USP44: variants seen among roughly 807,000 people sequenced by gnomAD.
USP44 encodes the protein ubiquitin specific peptidase 44.
USP44 carries 61 observed loss-of-function variants against 69.0 expected under a neutral mutation model. The observed-to-expected ratio is 0.88, with a 90% CI of 0.72 to 1.09. The LOEUF (loss-of-function observed/expected upper bound fraction) is 1.09. Among genes scored for constraint, USP44 ranks in the 50% least tolerant of loss-of-function variants. The pLI is 0.00. For missense variants in USP44, 753 were observed against 849.9 expected (o/e 0.89, Z 1.42); for synonymous variants, 297 against 295.4 (o/e 1.01, Z -0.06).
chr12:95,531,199 A>G (rs1260664949), intron 2 of USP44, among the ~76,000 whole-genome samples: 1 of 152,028 alleles, frequency 6.6e-6, no homozygotes, highest in African/African-American at 2.4e-5. Flanking sequence ...AAAACATATG[A>G]TGTTAAATAG....
At chr12:95,536,333 G>A (rs1034210448) in intron 1 of USP44, among the ~76,000 whole-genome samples, 7 of 151,918 alleles carry the variant, frequency 4.6e-5, no homozygotes, top group South Asian at 2.1e-4. Context: ...GTGAGCCACC[G>A]TGCCCAGCCC....
Position 95,549,814 on chromosome 12 carries a change from A to G in USP44, c.-71+1458T>C, listed in dbSNP as rs541194318. 3.2e-4 allele frequency among the ~76,000 whole-genome samples: 49 copies of G among 152,264 alleles called. No individual in the cohort carries two copies. In the South Asian group the frequency reaches 6.6e-3, roughly 21 times the overall value. The stretch of plus-strand genomic sequence containing the variant: ...GAGTGCACAAAGGTATTCACAGCAT[A>G]TTATCCAAACACCGTAAAAGGCAAG... On this transcript the variant is annotated intron_variant, in intron 1 of 5. Transcript: ENST00000258499.
At chr12:95,541,017 C>T (rs1398073328) in intron 1 of USP44, among the ~76,000 whole-genome samples, 13 of 152,344 alleles carry the variant, frequency 8.5e-5, no homozygotes, top group East Asian at 1.9e-4. Context: ...CAGTGGCTTA[C>T]GCCTGTAATC....
At chr12:95,550,183 GAAAA>G (rs570350053) in intron 1 of USP44, among the ~76,000 whole-genome samples, 103 of 93,322 alleles carry the variant, frequency 1.1e-3, no homozygotes, top group African/African-American at 3.4e-3. Context: ...CTCCGTCTCA[GAAAA>G]AAAAAAAAAA....
At chr12:95,529,618 G>C (rs375282405) in intron 2 of USP44, among the ~76,000 whole-genome samples, 1 of 151,936 alleles carries the variant, frequency 6.6e-6, no homozygotes, top group Non-Finnish European at 1.5e-5. Context: ...ACGGGCTTTC[G>C]CCATGTTGGC....
chr12:95,551,243 A>G (rs2077717286), intron 1 of USP44, 29 bp downstream of exon 1: 1 of 152,058 alleles, frequency 6.6e-6, no homozygotes, highest in South Asian at 2.1e-4. Flanking sequence ...TTCCCTGCCC[A>G]CCTTCATCAA....
chr12:95,517,648 A>C lies in USP44; in HGVS notation c.*506T>G, dbSNP rs1054779343. The C allele has an allele frequency of 2.0e-4, 30 of 152,880 alleles. No individual in the cohort carries two copies. Among genetic ancestry groups the C allele is most frequent in the Non-Finnish European group, 2.8e-4 (19 of 68,524 alleles). The allele number at this position is 152,880 out of a possible 1,614,324, so 9.5% of individuals were successfully genotyped here. ...CAATTACAAGGCCTGTTAACACACA[A>C]AGCCTCAGAAATACCAGTGAGTGTG... On this transcript the variant is annotated 3_prime_UTR_variant, in exon 6 of 6. Coordinates refer to ENST00000258499, the MANE Select transcript of USP44 (RefSeq NM_032147.5).
intron 3 of USP44, among the ~76,000 whole-genome samples, chr12:95,526,440 C>T (rs951236011): frequency 2.6e-5 from 4 of 152,126 alleles, no homozygotes; most frequent in Admixed American, 6.5e-5. Flanking sequence ...GGCGTGGTGG[C>T]GGGCGCCTGT....
At chr12:95,519,832 G>C (rs1445127254) in intron 5 of USP44, among the ~76,000 whole-genome samples, 1 of 150,792 alleles carries the variant, frequency 6.6e-6, no homozygotes, top group Non-Finnish European at 1.5e-5. Context: ...TTAAGGCCAG[G>C]AGTTCAAGAC....
rs56348745 is a variant in USP44 at position 95,520,007 on chromosome 12, CAAAAAAAAAA to C, written c.1939+980_1939+989del. Among the ~76,000 whole-genome samples, 23 of 34,532 alleles carry C rather than the reference CAAAAAAAAAA, an allele frequency of 6.7e-4. No homozygotes were observed. The South Asian group carries it at 0.017, about 26-fold the overall frequency. 22.7% of individuals were successfully genotyped at this position (34,532 alleles called of 152,430 possible). A position where few individuals can be genotyped will look rare whatever the true frequency, so the allele number is the denominator to read the frequency against. ...CAGGGGAAAGAGTGAGACTCTGTCT[CAAAAAAAAAA>C]AAAAAAAAAAAAAAAAAAAGCCAAT... On this transcript the variant is annotated intron_variant, in intron 5 of 5. Transcript: ENST00000258499.
At chr12:95,544,671 G>A (rs368520862) in intron 1 of USP44, among the ~76,000 whole-genome samples, 1 of 151,958 alleles carries the variant, frequency 6.6e-6, no homozygotes, top group Non-Finnish European at 1.5e-5. Context: ...GACAGAATGA[G>A]GGAAATGGCA....
intron 1 of USP44, among the ~76,000 whole-genome samples, chr12:95,543,803 A>C (rs2077473378): frequency 1.3e-5 from 2 of 151,256 alleles, no homozygotes; most frequent in Admixed American, 1.3e-4. Flanking sequence ...TGTCTCTACA[A>C]AACATACAAA....
intron 1 of USP44, among the ~76,000 whole-genome samples, chr12:95,549,550 A>G (rs964342469): frequency 3.3e-5 from 5 of 152,146 alleles, no homozygotes; most frequent in African/African-American, 1.2e-4. Flanking sequence ...GTTGTTTTTA[A>G]CTGAACCTAT....
chr12:95,521,275 T>C, intron 4 of USP44, 73 bp from the exon 5 acceptor site: 1 of 1,362,884 alleles, frequency 7.3e-7, no homozygotes, highest in Admixed American at 1.7e-5. Flanking sequence ...TAGACACTTG[T>C]AACAGATGAC....
At chr12:95,546,177 G>GT (rs2077564722) in intron 1 of USP44, among the ~76,000 whole-genome samples, 1 of 152,130 alleles carries the variant, frequency 6.6e-6, no homozygotes, top group South Asian at 2.1e-4. Flanking sequence ...AGCTAACTTC[G>GT]TAACAATGGG....
intron 1 of USP44, among the ~76,000 whole-genome samples, chr12:95,541,004 G>T (rs1457062374): frequency 6.6e-6 from 1 of 152,218 alleles, no homozygotes; most frequent in Non-Finnish European, 1.5e-5. Context: ...TTTTGGCCAG[G>T]CGCAGTGGCT....
At chr12:95,518,968 G>T (rs1465592963) in intron 5 of USP44, among the ~76,000 whole-genome samples, 1 of 151,640 alleles carries the variant, frequency 6.6e-6, no homozygotes. Flanking sequence ...AACTTTTTGT[G>T]CCAACATGAT....
In USP44 at chr12:95,533,925, T is replaced by C. The variant is rs2077112553; in HGVS notation, c.332A>G (p.His111Arg). The change falls in exon 2 of 6, where the codon CAC (histidine) becomes CGC (arginine). Residue 111 changes from histidine (H) to arginine (R), a missense_variant. His to Arg is a conservative substitution (Grantham distance 29). Transcript: ENST00000258499. Reference protein sequence around the residue: ...TLSAIKSQNYHCTTRSGRFLR... With the variant: ...TLSAIKSQNYRCTTRSGRFLR... ...AAACCTCCCACTACGAGTTGTGCAG[T>C]GATAATTTTGACTTTTGATGGCACT... 2 of 1,614,072 alleles carry C rather than the reference T, an allele frequency of 1.2e-6. No individual in the cohort carries two copies. Among genetic ancestry groups the C allele is most frequent in the Non-Finnish European group, 1.7e-6 (2 of 1,180,038 alleles).
At chr12:95,529,687 C>T (rs2076960402) in intron 2 of USP44, among the ~76,000 whole-genome samples, 1 of 152,178 alleles carries the variant, frequency 6.6e-6, no homozygotes, top group Admixed American at 6.5e-5. Context: ...TGCCAAAGTG[C>T]TGGGATTACA....
Sources: allele counts gnomAD v4.1 joint callset (sites outside exome capture counted in the v4.1 genomes callset), GRCh38; gene constraint gnomAD v4.1.1; transcripts MANE v1.5; gene names NCBI Gene and HGNC (gene_info 2026-07-23, HGNC 2026-07-21).